Variants in FRMD3 observed in about 807,000 individuals in gnomAD.
The protein encoded by FRMD3 is FERM domain-containing protein 3.
A neutral mutation model predicts 70.2 loss-of-function variants in FRMD3; 33 were observed. The ratio of observed to expected loss-of-function variants is 0.47; its 90% CI spans 0.36 to 0.63. The LOEUF (loss-of-function observed/expected upper bound fraction) is 0.63. Among genes scored for constraint, FRMD3 ranks in the 20% least tolerant of loss-of-function variants. The pLI is 0.00. For missense variants in FRMD3, 632 were observed against 711.4 expected, an observed-to-expected ratio of 0.89 and a Z score of 1.27; for synonymous variants, 279 against 255.9, an observed-to-expected ratio of 1.09 and a Z score of -0.86.
intron 2 of FRMD3, among the ~76,000 whole-genome samples, chr9:83,373,403 T>C (rs578026387): frequency 4.6e-5 from 7 of 152,346 alleles, no homozygotes; most frequent in African/African-American, 1.7e-4. Context: ...AAGAGGAATA[T>C]TGGGCCAAGC....
At position 83,384,160 on chromosome 9, in the gene FRMD3, T is replaced by C. The variant is rs11140063; in HGVS notation, c.252+5444A>G. Among the ~76,000 whole-genome samples the C allele has an allele frequency of 5.2e-3, 795 of 152,266 alleles. 3 individuals are homozygous for C. The highest frequency in any genetic ancestry group is 7.9e-3 in the Non-Finnish European group (538 of 68,014). ...CACACACACACAGACACCCAAGAAGTCTTGATCTTTAATACCTTTTGAAAC... is the reference window on the plus strand; with the variant it reads ...CACACACACACAGACACCCAAGAAGCCTTGATCTTTAATACCTTTTGAAAC... On this transcript the variant is annotated intron_variant, in intron 2 of 13. Coordinates refer to ENST00000304195, the MANE Select transcript of FRMD3 (RefSeq NM_174938.6).
At chr9:83,263,752 G>A (rs1833098311) in intron 13 of FRMD3, among the ~76,000 whole-genome samples, 1 of 152,238 alleles carries the variant, frequency 6.6e-6, no homozygotes, top group South Asian at 2.1e-4. Flanking sequence ...AAAGCAGGTG[G>A]TTTACTGCAT....
intron 1 of FRMD3, among the ~76,000 whole-genome samples, chr9:83,406,581 A>C (rs1826110331): frequency 6.6e-6 from 1 of 152,238 alleles, no homozygotes; most frequent in Non-Finnish European, 1.5e-5. Flanking sequence ...TTGTGAGTCA[A>C]GACAAGGTCC....
intron 2 of FRMD3, among the ~76,000 whole-genome samples, chr9:83,380,510 G>A (rs1468454117): frequency 6.6e-6 from 1 of 152,086 alleles, no homozygotes; most frequent in Non-Finnish European, 1.5e-5. Context: ...TTAGCCCTGA[G>A]AGATCATTTT....
intron 1 of FRMD3, among the ~76,000 whole-genome samples, chr9:83,515,211 T>C (rs1056269930): frequency 1.3e-5 from 2 of 152,194 alleles, no homozygotes; most frequent in African/African-American, 4.8e-5. Context: ...GCAAGGAAGC[T>C]AAGAACGTTG....
At chr9:83,431,826 G>A (rs1347583141) in intron 1 of FRMD3, among the ~76,000 whole-genome samples, 1 of 152,146 alleles carries the variant, frequency 6.6e-6, no homozygotes, top group Non-Finnish European at 1.5e-5. Flanking sequence ...AGTTCTAGGT[G>A]GAAGTTTCCA....
chr9:83,495,694 A>G (rs924999924), intron 1 of FRMD3, among the ~76,000 whole-genome samples: 2 of 152,232 alleles, frequency 1.3e-5, no homozygotes, highest in African/African-American at 2.4e-5. Context: ...TATAGTAAGC[A>G]TCTTTTCTGT....
At chr9:83,553,079 T>G in the FRMD3 span, among the ~76,000 whole-genome samples, 1 of 152,084 alleles carries the variant, frequency 6.6e-6, no homozygotes, top group African/African-American at 2.4e-5. Flanking sequence ...TTACAGTTAC[T>G]CTGGTCTGTA....
intron 10 of FRMD3, among the ~76,000 whole-genome samples, chr9:83,301,226 C>T (rs1305522439): frequency 6.6e-6 from 1 of 152,162 alleles, no homozygotes; most frequent in African/African-American, 2.4e-5. Flanking sequence ...CAGCAAGCTG[C>T]ATTGAGATGG....
At chr9:83,296,614 A>G (rs1834671250) in intron 12 of FRMD3, among the ~76,000 whole-genome samples, 1 of 152,170 alleles carries the variant, frequency 6.6e-6, no homozygotes. Flanking sequence ...AGTCTTTCAT[A>G]TGCCCAGGGG....
intron 4 of FRMD3, among the ~76,000 whole-genome samples, chr9:83,346,428 A>G (rs901888295): frequency 6.6e-6 from 1 of 152,162 alleles, no homozygotes. Flanking sequence ...TGCTAAGTGA[A>G]AAGACGCCAG....
chr9:83,271,704 T>G (rs1469516043), intron 13 of FRMD3, among the ~76,000 whole-genome samples: 1 of 152,240 alleles, frequency 6.6e-6, no homozygotes, highest in Non-Finnish European at 1.5e-5. Context: ...GTTCCTCTTA[T>G]GATTTCCCAT....
At chr9:83,469,281 G>C (rs756128598) in intron 1 of FRMD3, among the ~76,000 whole-genome samples, 2 of 152,158 alleles carry the variant, frequency 1.3e-5, no homozygotes, top group African/African-American at 4.8e-5. Context: ...CTGAGGGTCT[G>C]CTATTCAGGT....
intron 1 of FRMD3, among the ~76,000 whole-genome samples, chr9:83,463,206 T>A (rs1038956899): frequency 6.6e-6 from 1 of 152,218 alleles, no homozygotes. Context: ...CATTACATAC[T>A]GAAATATTCA....
the FRMD3 span, among the ~76,000 whole-genome samples, chr9:83,568,400 TA>T: frequency 6.6e-6 from 1 of 152,190 alleles, no homozygotes; most frequent in Non-Finnish European, 1.5e-5. Flanking sequence ...GAGATCAAAA[TA>T]ATATCTATAT....
At chr9:83,249,703 A>G (rs1289283348) in intron 13 of FRMD3, among the ~76,000 whole-genome samples, 1 of 152,236 alleles carries the variant, frequency 6.6e-6, no homozygotes, top group Admixed American at 6.5e-5. Flanking sequence ...AAGTATGCTG[A>G]ACATCATTAA....
intron 3 of FRMD3, among the ~76,000 whole-genome samples, chr9:83,357,051 T>G (rs538336443): frequency 6.7e-6 from 1 of 150,352 alleles, no homozygotes; most frequent in Non-Finnish European, 1.5e-5. Flanking sequence ...CAAATGCCAT[T>G]AATTCATTCC....
intron 3 of FRMD3, among the ~76,000 whole-genome samples, chr9:83,364,451 G>A (rs1346621541): frequency 6.6e-6 from 1 of 152,018 alleles, no homozygotes; most frequent in Non-Finnish European, 1.5e-5. Context: ...AGCTACTCAG[G>A]AGGCTGAGGC....
Position 83,244,907 on chromosome 9 carries a change from T to C in FRMD3, c.*3011A>G. The C allele has an allele frequency of 1.0e-6, 1 of 985,282 alleles. No homozygotes were observed. 61.0% of individuals were successfully genotyped at this position (985,282 alleles called of 1,614,324 possible). A position where few individuals can be genotyped will look rare whatever the true frequency, so the allele number is the denominator to read the frequency against. Reference sequence around the variant, plus strand: ...TACATACTTTACTTTACCTACATTGTTTTCATGATCCAACTTGCATTAGCA... The same window carrying C: ...TACATACTTTACTTTACCTACATTGCTTTCATGATCCAACTTGCATTAGCA... On this transcript the variant is annotated 3_prime_UTR_variant, in exon 14 of 14. Coordinates refer to ENST00000304195, the MANE Select transcript of FRMD3 (RefSeq NM_174938.6).
Sources: allele counts gnomAD v4.1 joint callset (sites outside exome capture counted in the v4.1 genomes callset), GRCh38; gene constraint gnomAD v4.1.1; transcripts MANE v1.5; gene names NCBI Gene and HGNC (gene_info 2026-07-23, HGNC 2026-07-21).